The following MBNL2 variants were observed in gnomAD, a reference collection of about 807,000 sequenced individuals.
MBNL2 encodes the protein muscleblind like splicing regulator 2, also known as muscleblind-like protein 2.
MBNL2 carries 17 observed loss-of-function variants against 41.9 expected under a neutral mutation model. The observed-to-expected ratio is 0.41, with a 90% CI of 0.28 to 0.61. MBNL2 has a LOEUF of 0.61. Among genes scored for constraint, MBNL2 ranks in the 20% least tolerant of loss-of-function variants. MBNL2 has a pLI of 0.35. For synonymous variants in MBNL2, 195 were observed against 182.9 expected (o/e 1.07, Z -0.53); for missense variants, 336 against 505.6 (o/e 0.66, Z 3.22).
chr13:97,277,735 A>G (rs1312395251), intron 2 of MBNL2, among the ~76,000 whole-genome samples: 3 of 151,982 alleles, frequency 2.0e-5, no homozygotes, highest in Admixed American at 6.6e-5. Context: ...ATCAATACCT[A>G]CTCCTATTTT....
intron 1 of MBNL2, among the ~76,000 whole-genome samples, chr13:97,231,003 T>G (rs2042303810): frequency 6.6e-6 from 1 of 152,214 alleles, no homozygotes; most frequent in Non-Finnish European, 1.5e-5. Context: ...TCTCTCAAAA[T>G]GTATATATTT....
chr13:97,162,141 AACTC>A, the MBNL2 span, among the ~76,000 whole-genome samples: 1 of 152,124 alleles, frequency 6.6e-6, no homozygotes, highest in South Asian at 2.1e-4. Flanking sequence ...ATCTCATGAT[AACTC>A]ACTCACTCTC....
intron 2 of MBNL2, among the ~76,000 whole-genome samples, chr13:97,294,299 A>G (rs2056677680): frequency 6.6e-6 from 1 of 152,216 alleles, no homozygotes; most frequent in Admixed American, 6.5e-5. Flanking sequence ...TGCAAGACAC[A>G]TGGAAATGTA....
At chr13:97,329,716 CAACATACACA>C (rs2060244453) in intron 2 of MBNL2, among the ~76,000 whole-genome samples, 1 of 134 alleles carries the variant, frequency 7.5e-3, no homozygotes, top group Non-Finnish European at 0.013. Flanking sequence ...AGCACACATA[CAACATACACA>C]ACATACAACA....
chr13:97,147,034 T>C, the MBNL2 span, among the ~76,000 whole-genome samples: 1 of 152,148 alleles, frequency 6.6e-6, no homozygotes, highest in Non-Finnish European at 1.5e-5. Flanking sequence ...GAGTGTTAGA[T>C]ACAAGATTAC....
chr13:97,312,153 C>G (rs944861726), intron 2 of MBNL2, among the ~76,000 whole-genome samples: 2 of 152,192 alleles, frequency 1.3e-5, no homozygotes, highest in Non-Finnish European at 2.9e-5. Flanking sequence ...AAAAGTATAG[C>G]TGCACATGTC....
Position 97,357,517 on chromosome 13 carries a change from G to A in MBNL2, c.894G>A (p.Lys298=), listed in dbSNP as rs757780309. ...FPPGALHPLP[K]RQALEKSNGT... ...CTGGTGCTCTTCATCCTTTACCAAA[G>A]AGACAAGCACTTGAAAAAAGCAATG... is the stretch of plus-strand genomic sequence containing the variant. The change falls in exon 7 of 9, where the codon AAG becomes AAA. Residue 298 remains lysine, a synonymous_variant. Coordinates refer to ENST00000679496, the MANE Select transcript of MBNL2 (RefSeq NM_001382683.1). 3.7e-6 allele frequency: 6 copies of A among 1,613,946 alleles called. No individual in the cohort carries two copies. The highest frequency in any genetic ancestry group is 1.1e-5 in the South Asian group (1 of 91,088).
chr13:97,220,008 G>A (rs533746077), upstream of MBNL2, among the ~76,000 whole-genome samples: 2 of 152,290 alleles, frequency 1.3e-5, no homozygotes, highest in East Asian at 3.9e-4. Context: ...GATTTCAAAT[G>A]GTGGTTGAAG....
At chr13:97,239,212 G>T (rs1194796028) in intron 1 of MBNL2, among the ~76,000 whole-genome samples, 1 of 152,132 alleles carries the variant, frequency 6.6e-6, no homozygotes, top group Non-Finnish European at 1.5e-5. Flanking sequence ...TCATACTACA[G>T]GGTATCAGCA....
At chr13:97,144,832 T>C in the MBNL2 span, among the ~76,000 whole-genome samples, 5 of 151,934 alleles carry the variant, frequency 3.3e-5, no homozygotes, top group African/African-American at 1.2e-4. Context: ...AATAAGGAGG[T>C]CAAGGTGCAG....
chr13:97,144,736 T>C, the MBNL2 span, among the ~76,000 whole-genome samples: 1 of 152,104 alleles, frequency 6.6e-6, no homozygotes, highest in Non-Finnish European at 1.5e-5. Context: ...CCCAGCCTAG[T>C]GATACTTCTT....
intron 8 of MBNL2, among the ~76,000 whole-genome samples, chr13:97,386,763 G>A (rs139522527): frequency 2.6e-3 from 390 of 152,230 alleles, no homozygotes; most frequent in African/African-American, 8.5e-3. Context: ...ACTTGAGAAC[G>A]TATATTGAGC....
At chr13:97,314,584 T>C (rs956137972) in intron 2 of MBNL2, among the ~76,000 whole-genome samples, 1 of 152,214 alleles carries the variant, frequency 6.6e-6, no homozygotes, top group Non-Finnish European at 1.5e-5. Context: ...AACACTTATT[T>C]ATCACTCAAT....
intron 5 of MBNL2, among the ~76,000 whole-genome samples, chr13:97,352,594 G>A (rs1276384157): frequency 6.6e-6 from 1 of 152,102 alleles, no homozygotes; most frequent in Non-Finnish European, 1.5e-5. Context: ...CATCATGAGA[G>A]ATATAATAAC....
At chr13:97,338,927 G>A (rs1314997124) in intron 3 of MBNL2, among the ~76,000 whole-genome samples, 1 of 152,090 alleles carries the variant, frequency 6.6e-6, no homozygotes, top group Non-Finnish European at 1.5e-5. Context: ...AAATACCTCG[G>A]GCCACTTGGC....
the MBNL2 span, among the ~76,000 whole-genome samples, chr13:97,191,894 G>A: frequency 6.6e-6 from 1 of 152,230 alleles, no homozygotes; most frequent in Non-Finnish European, 1.5e-5. Context: ...CAAAGAAAGA[G>A]AAGAAAATGT....
At chr13:97,353,932 ATTG>A (rs1429974726) in intron 5 of MBNL2, among the ~76,000 whole-genome samples, 1 of 149,362 alleles carries the variant, frequency 6.7e-6, no homozygotes, top group African/African-American at 2.5e-5. Flanking sequence ...AGCTCTGATC[ATTG>A]TTGTCAGTGT....
the MBNL2 span, among the ~76,000 whole-genome samples, chr13:97,174,989 C>G: frequency 6.6e-6 from 1 of 152,174 alleles, no homozygotes; most frequent in Non-Finnish European, 1.5e-5. Context: ...AAATAATTAC[C>G]TGTGGCAGCT....
At chr13:97,356,290 G>C (rs1314289894) in intron 5 of MBNL2, among the ~76,000 whole-genome samples, 1 of 152,108 alleles carries the variant, frequency 6.6e-6, no homozygotes, top group African/African-American at 2.4e-5. Flanking sequence ...TGTTAGGCCA[G>C]CTATGAATTT....
Sources: gnomAD v4.1 joint callset for allele counts (sites outside exome capture counted in the v4.1 genomes callset) on GRCh38, gnomAD v4.1.1 for gene constraint, MANE v1.5 for transcripts, NCBI Gene and HGNC (gene_info 2026-07-23, HGNC 2026-07-21) for gene names.